The following ENOX1 variants were observed in gnomAD, a reference collection of about 807,000 sequenced individuals.
ENOX1 encodes ecto-NOX disulfide-thiol exchanger 1.
In ENOX1, 42 loss-of-function variants were observed where a neutral mutation model predicts 82.5. The observed-to-expected ratio is 0.51, with a 90% confidence interval of 0.40 to 0.66. ENOX1 has a LOEUF of 0.66. Among genes scored for constraint, ENOX1 ranks in the 30% least tolerant of loss-of-function variants. The probability of loss-of-function intolerance (pLI) is 0.00; values close to 1 mark genes in which losing one functional copy is unlikely to be tolerated. For synonymous variants in ENOX1, 271 were observed against 282.2 expected, an observed-to-expected ratio of 0.96 and a Z score of 0.40; for missense variants, 608 against 811.6, an observed-to-expected ratio of 0.75 and a Z score of 3.05.
At chr13:43,557,332 G>A (rs1294940218) in intron 2 of ENOX1, among the ~76,000 whole-genome samples, 1 of 152,200 alleles carries the variant, frequency 6.6e-6, no homozygotes, top group Non-Finnish European at 1.5e-5. Flanking sequence ...CTATCAGGAA[G>A]CCTGTTTCTT....
At chr13:43,307,628 G>C (rs948822514) in intron 11 of ENOX1, among the ~76,000 whole-genome samples, 2 of 152,130 alleles carry the variant, frequency 1.3e-5, no homozygotes, top group Admixed American at 1.3e-4. Context: ...AGCCTTCTGG[G>C]CTTCTCTGCC....
intron 2 of ENOX1, among the ~76,000 whole-genome samples, chr13:43,621,648 T>C (rs926513747): frequency 6.6e-6 from 1 of 152,216 alleles, no homozygotes; most frequent in South Asian, 2.1e-4. Context: ...TTTTCCTTTA[T>C]AGGTTACCTG....
intron 2 of ENOX1, among the ~76,000 whole-genome samples, chr13:43,558,184 C>T (rs1255796151): frequency 1.3e-5 from 2 of 152,182 alleles, no homozygotes; most frequent in Non-Finnish European, 2.9e-5. Flanking sequence ...AAGAACAGGA[C>T]ACATCTTTAC....
At chr13:43,743,181 T>C (rs1949843211) in intron 1 of ENOX1, among the ~76,000 whole-genome samples, 1 of 152,200 alleles carries the variant, frequency 6.6e-6, no homozygotes, top group Admixed American at 6.5e-5. Flanking sequence ...AGAGAAGCCC[T>C]GAAGCCTCAT....
intron 2 of ENOX1, among the ~76,000 whole-genome samples, chr13:43,496,408 T>C (rs1593489332): frequency 6.6e-6 from 1 of 152,026 alleles, no homozygotes; most frequent in Admixed American, 6.6e-5. Flanking sequence ...TTTAAGAGAC[T>C]GTGTCTTACT....
At chr13:43,601,548 T>G (rs1417476230) in intron 2 of ENOX1, among the ~76,000 whole-genome samples, 8 of 151,770 alleles carry the variant, frequency 5.3e-5, no homozygotes, top group African/African-American at 1.9e-4. Context: ...GTCTGGAAAA[T>G]AGCCTCAAAA....
chr13:43,561,990 A>AGG (rs2079696354), intron 2 of ENOX1, among the ~76,000 whole-genome samples: 1 of 123,628 alleles, frequency 8.1e-6, no homozygotes, highest in Non-Finnish European at 1.6e-5. Flanking sequence ...GAAGGAAGAG[A>AGG]GAGAGGGAGG....
chr13:43,375,589 T>C (rs1162964991), intron 5 of ENOX1, among the ~76,000 whole-genome samples: 9 of 152,226 alleles, frequency 5.9e-5, no homozygotes, highest in African/African-American at 2.2e-4. Flanking sequence ...GCAGTGTTAT[T>C]AGCAAGGCAC....
At chr13:43,579,505 G>T (rs2080605214) in intron 2 of ENOX1, among the ~76,000 whole-genome samples, 1 of 152,202 alleles carries the variant, frequency 6.6e-6, no homozygotes, top group Admixed American at 6.5e-5. Flanking sequence ...TCCAGCAGAT[G>T]CATTTCTACT....
In ENOX1 at chr13:43,682,475, A is replaced by T. The variant is rs192520044; in HGVS notation, c.-284-14931T>A. Among the ~76,000 whole-genome samples, 10 of 152,260 alleles carry T rather than the reference A, an allele frequency of 6.6e-5. No homozygotes were observed. In the East Asian group the frequency reaches 1.9e-3, roughly 29 times the overall value. ...ATTTACATGGATCTATACTACTACT[A>T]CTATGTGTTTTGTTTTCCTTTTTCT... is the stretch of plus-strand genomic sequence containing the variant. On this transcript the variant is annotated intron_variant, in intron 1 of 16. Coordinates refer to ENST00000690772, the MANE Select transcript of ENOX1 (RefSeq NM_001347969.2).
At chr13:43,223,319 C>T (rs1012003759) in intron 16 of ENOX1, among the ~76,000 whole-genome samples, 1 of 152,232 alleles carries the variant, frequency 6.6e-6, no homozygotes, top group Non-Finnish European at 1.5e-5. Context: ...GTCCACCCCG[C>T]TCCTGGGCTT....
At chr13:43,784,780 A>G (rs1337605910) in intron 1 of ENOX1, among the ~76,000 whole-genome samples, 9 of 152,234 alleles carry the variant, frequency 5.9e-5, no homozygotes, top group Admixed American at 5.9e-4. Context: ...ATTAACTTGC[A>G]TCAGTTGCTG....
At position 43,344,661 on chromosome 13, in the gene ENOX1, A is replaced by C. The variant is rs368298019; in HGVS notation, c.913T>G (p.Ser305Ala). 1.9e-6 allele frequency: 3 copies of C among 1,614,114 alleles called. No homozygotes were observed. The highest frequency in any genetic ancestry group is 2.5e-6 in the Non-Finnish European group (3 of 1,180,028). ...TGGCTGTTGGCCGACTGCACCATGG[A>C]ATAGAACTGGTTTGCAGAGCGCCGA... is the stretch of plus-strand genomic sequence containing the variant. ...VNRRSANQFY[S>A]MVQSANSHVR... is the part of the protein sequence containing the mutation. The change falls in exon 9 of 17, where the codon TCC becomes GCC. Residue 305 changes from serine (S) to alanine (A), a missense_variant. Ser to Ala is a moderately conservative substitution (Grantham distance 99). Coordinates refer to ENST00000690772, the MANE Select transcript of ENOX1 (RefSeq NM_001347969.2).
chr13:43,301,472 C>A (rs2046569842), intron 11 of ENOX1, among the ~76,000 whole-genome samples: 1 of 151,706 alleles, frequency 6.6e-6, no homozygotes, highest in South Asian at 2.1e-4. Context: ...CTTGGCTAAG[C>A]CAAGTGACTA....
intron 3 of ENOX1, among the ~76,000 whole-genome samples, chr13:43,450,293 T>TG (rs2056890707): frequency 6.6e-6 from 1 of 152,036 alleles, no homozygotes. Flanking sequence ...CAAGGTGAAG[T>TG]GGGGGGCAGC....
chr13:43,592,829 T>A (rs2081303318), intron 2 of ENOX1, among the ~76,000 whole-genome samples: 1 of 152,214 alleles, frequency 6.6e-6, no homozygotes, highest in East Asian at 1.9e-4. Context: ...TAAAGTCACA[T>A]TAGGATCTGA....
chr13:43,754,069 T>A (rs1350356077), intron 1 of ENOX1, among the ~76,000 whole-genome samples: 1 of 145,000 alleles, frequency 6.9e-6, no homozygotes, highest in African/African-American at 2.5e-5. Context: ...CATATATACG[T>A]ATATAAATAC....
Position 43,387,346 on chromosome 13 carries a change from G to A in ENOX1, c.208+24570C>T, listed in dbSNP as rs115656472. Among the ~76,000 whole-genome samples the A allele has an allele frequency of 2.5e-3, 387 of 152,286 alleles. 1 individual carries two copies. Among genetic ancestry groups the A allele is most frequent in the African/African-American group, 8.9e-3 (370 of 41,564 alleles). ...TTCAGTTCCTAAAAACAAGGAGCTG[G>A]CCTGTGGTGGGAAGATATGGAGGAC... On this transcript the variant is annotated intron_variant, in intron 5 of 16. Transcript: ENST00000690772.
In ENOX1 at chr13:43,475,279, G is replaced by A. The variant is rs187007084; in HGVS notation, c.-75+8730C>T. On this transcript the variant is annotated intron_variant, in intron 3 of 16. Transcript: ENST00000690772. Reference sequence around the variant, plus strand: ...TAAAAGTGAAAAGCATTTCCCTGCTGATTCCACATGTCCACAACAGCCTAA... The same window carrying A: ...TAAAAGTGAAAAGCATTTCCCTGCTAATTCCACATGTCCACAACAGCCTAA... 3.9e-5 allele frequency among the ~76,000 whole-genome samples: 6 copies of A among 152,288 alleles called. No individual in the cohort carries two copies. In the East Asian group the frequency reaches 1.2e-3, roughly 29 times the overall value.
Sources: allele counts gnomAD v4.1 joint callset (sites outside exome capture counted in the v4.1 genomes callset), GRCh38; gene constraint gnomAD v4.1.1; transcripts MANE v1.5; gene names NCBI Gene and HGNC (gene_info 2026-07-23, HGNC 2026-07-21).